The following MOCOS variants were observed in gnomAD, a reference collection of about 807,000 sequenced individuals.
MOCOS encodes the protein human molybdenum cofactor sulfurase.
MOCOS carries 86 observed loss-of-function variants against 83.6 expected under a neutral mutation model. The ratio of observed to expected loss-of-function variants is 1.03; its 90% CI spans 0.86 to 1.23. The LOEUF is 1.23. MOCOS is among the 50% of genes most tolerant of loss of function. The pLI, the probability that MOCOS is intolerant of heterozygous loss-of-function variation, is 0.00. For missense variants in MOCOS, 1,120 were observed against 1,126.9 expected, an observed-to-expected ratio of 0.99 and a Z score of 0.09; for synonymous variants, 445 against 434.7, an observed-to-expected ratio of 1.02 and a Z score of -0.29.
rs566971336 is a variant in MOCOS at position 36,220,890 on chromosome 18, C to T, written c.1960+673C>T. Among the ~76,000 whole-genome samples, 3 of 150,912 alleles carry T rather than the reference C, an allele frequency of 2.0e-5. No individual in the cohort carries two copies. The South Asian group carries it at 6.3e-4, about 32-fold the overall frequency. On this transcript the variant is annotated intron_variant, in intron 9 of 14. Transcript: ENST00000261326. Reference sequence around the variant, plus strand: ...GCTGCAGTGAGCCCAGATCGCACCACTGCACTCCAGCTTGGGCAACAGAGG... The same window carrying T: ...GCTGCAGTGAGCCCAGATCGCACCATTGCACTCCAGCTTGGGCAACAGAGG...
intron 7 of MOCOS, among the ~76,000 whole-genome samples, chr18:36,215,172 C>T (rs1453019832): frequency 1.3e-5 from 2 of 152,194 alleles, no homozygotes; most frequent in East Asian, 1.9e-4. Flanking sequence ...GAGGTTGACC[C>T]CTTGGTGCTT....
At chr18:36,247,901 A>G (rs1204952888) in intron 9 of MOCOS, among the ~76,000 whole-genome samples, 2 of 152,240 alleles carry the variant, frequency 1.3e-5, no homozygotes, top group African/African-American at 4.8e-5. Flanking sequence ...GGAGCTGTAC[A>G]TTAGTCCTGT....
intron 9 of MOCOS, among the ~76,000 whole-genome samples, chr18:36,232,855 TACACACACACACACAC>T (rs71168208): frequency 1.4e-5 from 2 of 147,934 alleles, no homozygotes; most frequent in East Asian, 2.0e-4. Context: ...AATATTCCAT[TACACACACACACACAC>T]ACACACACAC....
At chr18:36,238,346 T>C (rs1444775198) in intron 9 of MOCOS, among the ~76,000 whole-genome samples, 9 of 151,176 alleles carry the variant, frequency 6.0e-5, no homozygotes, top group Admixed American at 1.3e-4. Context: ...TTTGTTCTCG[T>C]TGGTTTCAAA....
At chr18:36,266,715 G>T (rs1393987401) in intron 13 of MOCOS, 34 bp from the exon 14 acceptor site, 1 of 1,580,722 alleles carries the variant, frequency 6.3e-7, no homozygotes, top group Non-Finnish European at 8.7e-7. Context: ...GGTCACTTTT[G>T]TGGCAACGCT....
chr18:36,239,173 CATT>C (rs1186040959), intron 9 of MOCOS, among the ~76,000 whole-genome samples: 1 of 151,974 alleles, frequency 6.6e-6, no homozygotes. Context: ...TTGATCCTGT[CATT>C]ATGATGTTAG....
At chr18:36,195,218 C>T in intron 1 of MOCOS, 39 bp from the exon 2 acceptor site, 1 of 1,571,760 alleles carries the variant, frequency 6.4e-7, no homozygotes, top group Non-Finnish European at 8.8e-7. Context: ...AAACCAGATT[C>T]AGGTAAAATT....
At chr18:36,244,485 G>T (rs775955273) in intron 9 of MOCOS, among the ~76,000 whole-genome samples, 148 of 151,998 alleles carry the variant, frequency 9.7e-4, no homozygotes, top group Non-Finnish European at 1.9e-3. Context: ...GGTCTGAAAG[G>T]GTACTTGATC....
intron 9 of MOCOS, among the ~76,000 whole-genome samples, chr18:36,232,554 T>A (rs1301010693): frequency 6.6e-6 from 1 of 152,150 alleles, no homozygotes; most frequent in African/African-American, 2.4e-5. Context: ...TTAACCATAG[T>A]CACCCTATTG....
At chr18:36,245,566 T>C (rs890917558) in intron 9 of MOCOS, among the ~76,000 whole-genome samples, 1 of 152,216 alleles carries the variant, frequency 6.6e-6, no homozygotes, top group African/African-American at 2.4e-5. Flanking sequence ...ATTCTTTCCT[T>C]CATCTTGACT....
At chr18:36,253,626 A>G (rs1467217230) in intron 11 of MOCOS, among the ~76,000 whole-genome samples, 1 of 151,794 alleles carries the variant, frequency 6.6e-6, no homozygotes, top group Non-Finnish European at 1.5e-5. Flanking sequence ...AGACCACGCC[A>G]CTGCACTCCA....
At chr18:36,206,871 A>G (rs1309691912) in intron 6 of MOCOS, among the ~76,000 whole-genome samples, 3 of 152,132 alleles carry the variant, frequency 2.0e-5, no homozygotes, top group African/African-American at 7.2e-5. Context: ...CATTTCTTTA[A>G]CCAGTCTACC....
intron 8 of MOCOS, among the ~76,000 whole-genome samples, chr18:36,219,354 C>T (rs2091487249): frequency 6.6e-6 from 1 of 151,870 alleles, no homozygotes; most frequent in Non-Finnish European, 1.5e-5. Flanking sequence ...TATGAAATAC[C>T]TGGACAGACA....
chr18:36,261,867 G>T (rs2091664544), intron 13 of MOCOS, among the ~76,000 whole-genome samples: 1 of 151,924 alleles, frequency 6.6e-6, no homozygotes, highest in Non-Finnish European at 1.5e-5. Flanking sequence ...GAACAAAATA[G>T]ACACTAAATA....
chr18:36,222,433 T>G (rs974687645), intron 9 of MOCOS, among the ~76,000 whole-genome samples: 2 of 152,156 alleles, frequency 1.3e-5, no homozygotes, highest in Non-Finnish European at 2.9e-5. Flanking sequence ...ACAATAGCCA[T>G]CCTGACAGGG....
intron 9 of MOCOS, among the ~76,000 whole-genome samples, chr18:36,221,953 G>A (rs531561950): frequency 2.6e-5 from 4 of 152,162 alleles, no homozygotes; most frequent in South Asian, 4.1e-4. Flanking sequence ...TCGAACTCCC[G>A]ACCTCAGGTG....
At chr18:36,215,414 T>C (rs543847125) in intron 7 of MOCOS, 102 bp from the exon 8 acceptor site, 11 of 1,119,520 alleles carry the variant, frequency 9.8e-6, no homozygotes, top group African/African-American at 9.3e-5. Flanking sequence ...TCTGTTTTCC[T>C]GGGTTAATTT....
intron 3 of MOCOS, 74 bp downstream of exon 3, chr18:36,198,830 C>A: frequency 2.0e-6 from 3 of 1,509,302 alleles, no homozygotes; most frequent in Non-Finnish European, 2.8e-6. Context: ...TTGCCTGCAT[C>A]CCACAAAAGT....
intron 9 of MOCOS, among the ~76,000 whole-genome samples, chr18:36,221,734 T>TTG (rs1361579860): frequency 6.6e-6 from 1 of 151,630 alleles, no homozygotes; most frequent in East Asian, 1.9e-4. Context: ...CATTGTTTTT[T>TTG]TTTTTTTTTG....
Sources: allele counts gnomAD v4.1 joint callset (sites outside exome capture counted in the v4.1 genomes callset), GRCh38; gene constraint gnomAD v4.1.1; transcripts MANE v1.5; gene names NCBI Gene and HGNC (gene_info 2026-07-23, HGNC 2026-07-21).